The following CFAP46 variants were observed in gnomAD, a reference collection of about 807,000 sequenced individuals.
CFAP46 encodes the protein cilia and flagella associated protein 46.
Under a neutral mutation model 325.7 loss-of-function variants are expected in CFAP46, and 245 were observed. The observed-to-expected ratio is 0.75, with a 90% CI of 0.68 to 0.84. CFAP46 has a LOEUF of 0.84. CFAP46 is among the 40% of genes least tolerant of loss of function. The pLI, the probability that CFAP46 is intolerant of heterozygous loss-of-function variation, is 0.00. For synonymous variants in CFAP46, 1,523 were observed against 1,495.9 expected (o/e 1.02, Z -0.42); for missense variants, 3,346 against 3,543.0 (o/e 0.94, Z 1.41).
intron 50 of CFAP46, among the ~76,000 whole-genome samples, chr10:132,823,193 TGTGTGCTGTGTGTGTGCTG>T (rs1847926464): frequency 7.3e-6 from 1 of 137,880 alleles, no homozygotes; most frequent in African/African-American, 2.8e-5. Flanking sequence ...TGTGTGCTGA[TGTGTGCTGTGTGTGTGCTG>T]ATGTGTGCTG....
chr10:132,908,341 C>A, intron 22 of CFAP46, 127 bp downstream of exon 22: 3 of 1,177,902 alleles, frequency 2.5e-6, no homozygotes, highest in Admixed American at 2.2e-5. Context: ...GCGGCCCAGG[C>A]CCGCGCTCCC....
chr10:132,884,869 G>A lies in CFAP46; in HGVS notation c.3627+234C>T, dbSNP rs914414122. Among the ~76,000 whole-genome samples, 3 of 152,144 alleles carry A rather than the reference G, an allele frequency of 2.0e-5. No individual in the cohort carries two copies. Among genetic ancestry groups the A allele is most frequent in the Non-Finnish European group, 2.9e-5 (2 of 68,012 alleles). On this transcript the variant is annotated intron_variant, in intron 27 of 57. Transcript: ENST00000368586. This position sits in a 1 kb window ranked among gnomAD's most constrained non-coding sequence, Gnocchi z 5.4. The stretch of plus-strand genomic sequence containing the variant: ...TCACCCTGCTCAGGGACGAGGACCT[G>A]ACCACGACCCCTCCATGCTGGAAAG...
At chr10:132,836,351 C>T in intron 45 of CFAP46, 133 bp from the exon 46 acceptor site, 1 of 764,050 alleles carries the variant, frequency 1.3e-6, no homozygotes, top group East Asian at 2.7e-5. Context: ...AGGGCCCTCC[C>T]CGTGTGCGCC....
Position 132,817,138 on chromosome 10 carries a change from C to T in CFAP46, c.7118-2224G>A, listed in dbSNP as rs960860738. On this transcript the variant is annotated intron_variant, in intron 50 of 57. Coordinates refer to ENST00000368586, the MANE Select transcript of CFAP46 (RefSeq NM_001200049.3). The surrounding 1 kb of genome is among the most constrained non-coding windows in gnomAD (Gnocchi z 4.4). ...TTGGGGCTGGCCAACGGCTGCACCC[C>T]GCGGTTTTTGCTTTTTATTGCTTTT... 4.0e-5 allele frequency among the ~76,000 whole-genome samples: 6 copies of T among 151,754 alleles called. No individual in the cohort carries two copies. The highest frequency in any genetic ancestry group is 5.9e-5 in the Non-Finnish European group (4 of 67,844).
chr10:132,895,718 A>G (rs528527905), intron 24 of CFAP46, among the ~76,000 whole-genome samples: 27 of 152,344 alleles, frequency 1.8e-4, no homozygotes, highest in African/African-American at 6.5e-4. Context: ...AGTTCTATAG[A>G]CTGAGCTGTG....
intron 31 of CFAP46, among the ~76,000 whole-genome samples, chr10:132,874,033 C>T (rs1157329457): frequency 1.3e-5 from 2 of 152,170 alleles, no homozygotes; most frequent in African/African-American, 4.8e-5. Context: ...GCTCAGATGG[C>T]TTTACCAGGG....
chr10:132,860,626 G>A (rs1848707927), intron 36 of CFAP46, 103 bp from the exon 37 acceptor site: 4 of 1,183,146 alleles, frequency 3.4e-6, no homozygotes, highest in Non-Finnish European at 4.9e-6. Flanking sequence ...CTGAGGACAG[G>A]CGGGGGTAGA....
chr10:132,857,572 A>C lies in CFAP46; in HGVS notation c.5574+18T>G. The C allele has an allele frequency of 6.2e-7, 1 of 1,609,896 alleles. No homozygotes were observed. The highest frequency in any genetic ancestry group is 8.5e-7 in the Non-Finnish European group (1 of 1,178,996). On this transcript the variant is annotated intron_variant, in intron 39 of 57. Coordinates refer to ENST00000368586, the MANE Select transcript of CFAP46 (RefSeq NM_001200049.3). ...TGGGAGTGACCCAGTGTGCACAGGA[A>C]CCAGGACACCTGCTTACGTCTTGAA...
At chr10:132,814,324 C>T (rs1408247448) in intron 53 of CFAP46, 70 bp from the exon 54 acceptor site, 2 of 1,344,422 alleles carry the variant, frequency 1.5e-6, no homozygotes, top group East Asian at 4.7e-5. Context: ...GCCGGGGTCC[C>T]TGGGGAGGGG....
rs759687920 is a variant in CFAP46, at chr10:132,814,836, C to T, written c.7188+8G>A. On this transcript the variant is annotated splice_region_variant and intron_variant, in intron 51 of 57. Coordinates refer to ENST00000368586, the MANE Select transcript of CFAP46 (RefSeq NM_001200049.3). ...CAGCCCGATCCCCTATCACAGGCCC[C>T]CACCCACCTTCCTGCCCTTCTTCGC... 6.2e-6 allele frequency: 10 copies of T among 1,614,054 alleles called. No individual in the cohort carries two copies. The highest frequency in any genetic ancestry group is 1.1e-5 in the South Asian group (1 of 91,090).
At position 132,834,745 on chromosome 10, in the gene CFAP46, C is replaced by T. The variant is rs1425773575; in HGVS notation, c.6775G>A (p.Glu2259Lys). 6.2e-7 allele frequency: 1 copy of T among 1,612,622 alleles called. No homozygotes were observed. Among genetic ancestry groups the T allele is most frequent in the African/African-American group, 1.3e-5 (1 of 74,914 alleles). The change falls in exon 48 of 58, where the codon GAG becomes AAG. Residue 2259 changes from glutamate to lysine, a missense_variant. Physicochemically the swap from Glu to Lys is moderately conservative, Grantham distance 56. Transcript: ENST00000368586. ...EPEGLQVEEKERPVQRLSSVL... is the reference protein window; with the variant it reads ...EPEGLQVEEKKRPVQRLSSVL... Reference sequence around the variant, plus strand: ...CTACTGAGCCTCTGCACAGGGCGCTCCTTCTCTTCCACCTGCAGGCCTTCT... The same window carrying T: ...CTACTGAGCCTCTGCACAGGGCGCTTCTTCTCTTCCACCTGCAGGCCTTCT...
chr10:132,941,372 C>G (rs998613976), intron 3 of CFAP46, among the ~76,000 whole-genome samples: 3 of 152,264 alleles, frequency 2.0e-5, no homozygotes, highest in Non-Finnish European at 4.4e-5. Context: ...AGAGACCACG[C>G]TGCTACGAGG....
intron 50 of CFAP46, among the ~76,000 whole-genome samples, chr10:132,823,820 A>G (rs183058892): frequency 5.3e-3 from 525 of 98,854 alleles, no homozygotes; most frequent in African/African-American, 0.019. Flanking sequence ...GTGCTGTGTG[A>G]GTGCTGATGT....
At chr10:132,833,334 A>C (rs1361877141) in intron 50 of CFAP46, 24 bp downstream of exon 50, 1 of 1,591,380 alleles carries the variant, frequency 6.3e-7, no homozygotes, top group African/African-American at 1.3e-5. Context: ...ATTACACATT[A>C]AGGTGGCTGA....
rs777564902 is a variant in CFAP46, at chr10:132,937,599, T to C, written c.613A>G (p.Ile205Val). Residue 205 changes from isoleucine (I) to valine (V), a missense_variant, in exon 6 of 58, where the codon ATT (isoleucine) becomes GTT (valine). Ile to Val is a conservative substitution (Grantham distance 29). Transcript: ENST00000368586. ...ARFCSTAAPF[I>V]KSHVPQKYRQ... ...TATTTCTGTGGCACGTGAGACTTAA[T>C]GAACGGAGCTGCCGTGGAGCAGAAC... 9 of 1,613,704 alleles carry C rather than the reference T, an allele frequency of 5.6e-6. No homozygotes were observed. The highest frequency in any genetic ancestry group is 6.8e-6 in the Non-Finnish European group (8 of 1,179,990).
At chr10:132,878,717 CG>C (rs1383774199) in intron 29 of CFAP46, among the ~76,000 whole-genome samples, 3 of 152,120 alleles carry the variant, frequency 2.0e-5, no homozygotes, top group Non-Finnish European at 4.4e-5. Context: ...ATTCTGAAGA[CG>C]GGATAGGGGG....
rs2135551118 is a variant in CFAP46 at position 132,912,626 on chromosome 10, TCTCTCTCTCG to T, written c.2499+19_2499+28del. 3 of 1,374,974 alleles carry T rather than the reference TCTCTCTCTCG, an allele frequency of 2.2e-6. No individual in the cohort carries two copies. The highest frequency in any genetic ancestry group is 3.0e-6 in the Non-Finnish European group (3 of 1,014,004). The allele number at this position is 1,374,974 out of a possible 1,614,324, so 85.2% of individuals were successfully genotyped here. A position where few individuals can be genotyped will look rare whatever the true frequency, so the allele number is the denominator to read the frequency against. ...TCTCCTCTCTCTCTCTCTCTCTCTC[TCTCTCTCTCG>T]GCATCATGGAGGTGGTACCTCCACC... On this transcript the variant is annotated intron_variant, in intron 19 of 57. Coordinates refer to ENST00000368586, the MANE Select transcript of CFAP46 (RefSeq NM_001200049.3).
At chr10:132,836,955 C>T (rs370020416) in intron 44 of CFAP46, 41 bp from the exon 45 acceptor site, 109 of 1,434,854 alleles carry the variant, frequency 7.6e-5, no homozygotes, top group East Asian at 1.1e-4. Context: ...GCATTTAGGA[C>T]GCAAGGACGT....
intron 17 of CFAP46, among the ~76,000 whole-genome samples, chr10:132,913,990 T>C (rs1849599401): frequency 6.6e-6 from 1 of 152,132 alleles, no homozygotes; most frequent in Non-Finnish European, 1.5e-5. Context: ...ACACCTGCCA[T>C]GGGACCCCCG....
Sources: gnomAD v4.1 joint callset for allele counts (sites outside exome capture counted in the v4.1 genomes callset) on GRCh38, gnomAD v4.1.1 for gene constraint, Gnocchi (gnomAD v3.1) non-coding constraint, MANE v1.5 for transcripts, NCBI Gene and HGNC (gene_info 2026-07-23, HGNC 2026-07-21) for gene names.